The following GUCY2D variants were observed in gnomAD, a reference collection of about 807,000 sequenced individuals.
The protein encoded by GUCY2D is retinal guanylyl cyclase 1.
A neutral mutation model predicts 101.3 loss-of-function variants in GUCY2D; 70 were observed. The observed-to-expected ratio is 0.69, with a 90% confidence interval of 0.57 to 0.84. The LOEUF is 0.84. Ranked by LOEUF, GUCY2D falls within the 40% of genes least tolerant of loss-of-function variation. GUCY2D has a pLI of 0.00. For missense variants in GUCY2D, 1,460 were observed against 1,542.5 expected (o/e 0.95, Z 0.90); for synonymous variants, 688 against 670.7 (o/e 1.03, Z -0.40).
rs1235779490 is a variant in GUCY2D at position 8,014,028 on chromosome 17, G to T, written c.2412G>T (p.Leu804=). 2 of 1,612,350 alleles carry T rather than the reference G, an allele frequency of 1.2e-6. No homozygotes were observed. Among genetic ancestry groups the T allele is most frequent in the Non-Finnish European group, 1.7e-6 (2 of 1,179,738 alleles). The change falls in exon 12 of 20, where the codon CTG becomes CTT. Residue 804 remains leucine, a splice_region_variant and synonymous_variant. Coordinates refer to ENST00000254854, the MANE Select transcript of GUCY2D (RefSeq NM_000180.4). The surrounding 1 kb of genome is among the most constrained non-coding windows in gnomAD (Gnocchi z 4.0). ...CCTCCATGGACCACACCTTCGACCT[G>T]GTCAGGGGCTGGGAGTGGGCAAGGA... The part of the protein sequence containing the change: ...LRPSMDHTFD[L]FKNINKGRKT...
Position 8,008,018 on chromosome 17 carries a change from A to G in GUCY2D, c.1654A>G (p.Ile552Val), listed in dbSNP as rs1975779704. 1.2e-6 allele frequency: 2 copies of G among 1,607,414 alleles called. No homozygotes were observed. The highest frequency in any genetic ancestry group is 1.7e-5 in the Admixed American group (1 of 59,946). The stretch of plus-strand genomic sequence containing the variant: ...CAGCCAACACTTGGACAGCCCCAAC[A>G]TTGGTGTCTATGAGGTGAGCCTGAC... Reference protein sequence around the residue: ...GPSQHLDSPNIGVYEGDRVWL... With the variant: ...GPSQHLDSPNVGVYEGDRVWL... Residue 552 changes from isoleucine (I) to valine (V), a missense_variant, in exon 7 of 20, where the codon ATT becomes GTT. Physicochemically the swap from Ile to Val is conservative, Grantham distance 29. This residue lies in a region of GUCY2D where 1,196 missense variants were observed against 1,229.6 expected (regional missense o/e 0.97). Coordinates refer to ENST00000254854, the MANE Select transcript of GUCY2D (RefSeq NM_000180.4).
rs1598148657 is a variant in GUCY2D at position 8,011,472 on chromosome 17, G to A, written c.1750-672G>A. Among the ~76,000 whole-genome samples the A allele has an allele frequency of 6.6e-6, 1 of 152,306 alleles. No homozygotes were observed. The highest frequency in any genetic ancestry group is 6.5e-5 in the Admixed American group (1 of 15,292). Reference sequence around the variant, plus strand: ...GGCTGTTAAATCAGGAGAGGATGGTGGTTCCAGGAGCTTCTCCTTCATGAG... The same window carrying A: ...GGCTGTTAAATCAGGAGAGGATGGTAGTTCCAGGAGCTTCTCCTTCATGAG... On this transcript the variant is annotated intron_variant, in intron 8 of 19. Coordinates refer to ENST00000254854, the MANE Select transcript of GUCY2D (RefSeq NM_000180.4). This position sits in a 1 kb window ranked among gnomAD's most constrained non-coding sequence, Gnocchi z 4.3.
At chr17:8,006,301 A>G in intron 3 of GUCY2D, 62 bp from the exon 4 acceptor site, 14 of 1,307,284 alleles carry the variant, frequency 1.1e-5, no homozygotes, top group Non-Finnish European at 1.5e-5. Context: ...CAGGCAGTGA[A>G]AGAATCTGGT....
rs144291605 is a variant in GUCY2D, at chr17:8,012,555, G to A, written c.2062G>A (p.Gly688Arg). The change falls in exon 10 of 20, where the codon GGG becomes AGG. Residue 688 changes from glycine to arginine, a missense_variant. Physicochemically the swap from Gly to Arg is moderately radical, Grantham distance 125 (BLOSUM62 -2). This residue lies in a region of GUCY2D where 1,196 missense variants were observed against 1,229.6 expected (regional missense o/e 0.97). Transcript: ENST00000254854. ...ACTCAAGATCACTGACCACGGCCAC[G>A]GGAGACTGCTGGAAGCACAGAAGGT... is the stretch of plus-strand genomic sequence containing the variant. The part of the protein sequence containing the change: ...FVLKITDHGH[G>R]RLLEAQKVLP... 32 of 1,613,886 alleles carry A rather than the reference G, an allele frequency of 2.0e-5. No individual in the cohort carries two copies. The highest frequency in any genetic ancestry group is 2.7e-5 in the African/African-American group (2 of 74,924).
chr17:8,016,428 G>GC lies in GUCY2D; in HGVS notation c.3225-10dup. ...CCCATTCCCCTTCCCTGAGGCCACC[G>GC]CCCCCTCCTTGCAGGTCCAGCAACC... On this transcript the variant is annotated splice_polypyrimidine_tract_variant and intron_variant, in intron 18 of 19. Coordinates refer to ENST00000254854, the MANE Select transcript of GUCY2D (RefSeq NM_000180.4). 1 of 1,542,142 alleles carries GC rather than the reference G, an allele frequency of 6.5e-7. No homozygotes were observed. The highest frequency in any genetic ancestry group is 8.8e-7 in the Non-Finnish European group (1 of 1,139,580).
In GUCY2D at chr17:8,014,127, C is replaced by A; in HGVS notation, c.2412+99C>A. 8.8e-7 allele frequency: 1 copy of A among 1,130,468 alleles called. No individual in the cohort carries two copies. Among genetic ancestry groups the A allele is most frequent in the Non-Finnish European group, 1.3e-6 (1 of 753,024 alleles). 70.0% of individuals were successfully genotyped at this position (1,130,468 alleles called of 1,614,324 possible). A position where few individuals can be genotyped will look rare whatever the true frequency, so the allele number is the denominator to read the frequency against. ...CTGCAGACAGGCAGGCTGGCAGGAC[C>A]TCTGGCCTTCCAGGCTACCTCCTAA... On this transcript the variant is annotated intron_variant, in intron 12 of 19. Coordinates refer to ENST00000254854, the MANE Select transcript of GUCY2D (RefSeq NM_000180.4). This position sits in a 1 kb window ranked among gnomAD's most constrained non-coding sequence, Gnocchi z 4.0.
chr17:8,012,049 T>G (rs1975859823), intron 8 of GUCY2D, 95 bp from the exon 9 acceptor site: 9 of 863,250 alleles, frequency 1.0e-5, no homozygotes, highest in Non-Finnish European at 1.4e-5. Flanking sequence ...AAATCTCATC[T>G]TCTGGGTCTG....
rs762981013 is a variant in GUCY2D, at chr17:8,014,909, T to C, written c.2627T>C (p.Phe876Ser). Residue 876 changes from phenylalanine to serine, a missense_variant, in exon 14 of 20, where the codon TTT (phenylalanine) becomes TCT (serine). Around this residue, in one of 3 missense-constraint regions of GUCY2D, gnomAD observed 1,196 missense variants for 1,229.6 expected, o/e 0.97. Transcript: ENST00000254854. This position sits in a 1 kb window ranked among gnomAD's most constrained non-coding sequence, Gnocchi z 4.0. ...KTGTPVEPEY[F>S]EQVTLYFSDI... ...GGGACACCAGTGGAGCCCGAGTACT[T>C]TGAGCAAGTGACACTGTACTTTAGT... The C allele has an allele frequency of 6.2e-7, 1 of 1,614,064 alleles. No individual in the cohort carries two copies. The highest frequency in any genetic ancestry group is 8.5e-7 in the Non-Finnish European group (1 of 1,179,982).
Position 8,013,487 on chromosome 17 carries a change from C to A in GUCY2D, c.2263+235C>A. ...GCTTCCTCTTTCTTGATGCTGGAAC[C>A]AAACTGTTTCCACAACTGACAGAAC... is the stretch of plus-strand genomic sequence containing the variant. On this transcript the variant is annotated intron_variant, in intron 11 of 19. Coordinates refer to ENST00000254854, the MANE Select transcript of GUCY2D (RefSeq NM_000180.4). The surrounding 1 kb of genome is among the most constrained non-coding windows in gnomAD (Gnocchi z 5.0). 1.7e-6 allele frequency: 1 copy of A among 596,772 alleles called. No homozygotes were observed. The highest frequency in any genetic ancestry group is 1.9e-5 in the South Asian group (1 of 51,678). The allele number at this position is 596,772 out of a possible 1,614,324, so 37.0% of individuals were successfully genotyped here.
In GUCY2D at chr17:8,003,376, C is replaced by T. The variant is rs1290594016; in HGVS notation, c.329C>T (p.Ser110Leu). 6 of 1,466,490 alleles carry T rather than the reference C, an allele frequency of 4.1e-6. No homozygotes were observed. The highest frequency in any genetic ancestry group is 5.4e-6 in the Non-Finnish European group (6 of 1,115,980). The allele number at this position is 1,466,490 out of a possible 1,614,324, so 90.8% of individuals were successfully genotyped here. A position where few individuals can be genotyped will look rare whatever the true frequency, so the allele number is the denominator to read the frequency against. Reference sequence around the variant, plus strand: ...CCCGAGCCTTGCCGGACGCCGGGCTCGCTGGGGGCCGTGTCCTCCGCGCTG... The same window carrying T: ...CCCGAGCCTTGCCGGACGCCGGGCTTGCTGGGGGCCGTGTCCTCCGCGCTG... ...LLPEPCRTPGSLGAVSSALAR... is the reference protein window; with the variant it reads ...LLPEPCRTPGLLGAVSSALAR... The change falls in exon 2 of 20, where the codon TCG becomes TTG. Residue 110 changes from serine to leucine, a missense_variant. Physicochemically the swap from Ser to Leu is moderately radical, Grantham distance 145. This residue lies in a region of GUCY2D where 1,196 missense variants were observed against 1,229.6 expected (regional missense o/e 0.97). Coordinates refer to ENST00000254854, the MANE Select transcript of GUCY2D (RefSeq NM_000180.4).
At chr17:8,003,819 G>T in intron 2 of GUCY2D, 33 bp from the exon 3 acceptor site, 1 of 1,604,364 alleles carries the variant, frequency 6.2e-7, no homozygotes, top group Non-Finnish European at 8.5e-7. Context: ...GCCGGCAGCC[G>T]GACGGCGCCG....
In GUCY2D at chr17:8,006,482, C is replaced by G. The variant is rs776042543; in HGVS notation, c.1146C>G (p.Ile382Met). The stretch of plus-strand genomic sequence containing the variant: ...CCGGAGCAGCTGTGGCCCGCCACAT[C>G]CGGGATGCGCAGGTCCCTGGCTTCT... The part of the protein sequence containing the change: ...WVSGAAVARH[I>M]RDAQVPGFCG... The change falls in exon 4 of 20, where the codon ATC (isoleucine) becomes ATG (methionine). Residue 382 changes from isoleucine to methionine, a missense_variant. By Grantham distance (10) the Ile-to-Met change is conservative (BLOSUM62 1). Around this residue, in one of 3 missense-constraint regions of GUCY2D, gnomAD observed 1,196 missense variants for 1,229.6 expected, o/e 0.97. Transcript: ENST00000254854. 6.2e-7 allele frequency: 1 copy of G among 1,607,576 alleles called. No homozygotes were observed. The highest frequency in any genetic ancestry group is 1.1e-5 in the South Asian group (1 of 91,086).
rs1975923622 is a variant in GUCY2D at position 8,014,615 on chromosome 17, C to T, written c.2427C>T (p.Asn809=). Residue 809 remains asparagine, a synonymous_variant, in exon 13 of 20, where the codon AAC becomes AAT. Coordinates refer to ENST00000254854, the MANE Select transcript of GUCY2D (RefSeq NM_000180.4). The surrounding 1 kb of genome is among the most constrained non-coding windows in gnomAD (Gnocchi z 4.0). ...DHTFDLFKNI[N]KGRKTNIIDS... is the part of the protein sequence containing the mutation. ...TCTACTGCTAGTTCAAGAACATCAACAAGGGCCGGAAGACGAACATCATTG... is the reference window on the plus strand; with the variant it reads ...TCTACTGCTAGTTCAAGAACATCAATAAGGGCCGGAAGACGAACATCATTG... 2 of 1,614,026 alleles carry T rather than the reference C, an allele frequency of 1.2e-6. No homozygotes were observed. Among genetic ancestry groups the T allele is most frequent in the African/African-American group, 2.7e-5 (2 of 74,924 alleles).
rs777406730 is a variant in GUCY2D, at chr17:8,015,012, A to G, written c.2730A>G (p.Thr910=). The change falls in exon 14 of 20, where the codon ACA becomes ACG. Residue 910 remains threonine, a synonymous_variant. Transcript: ENST00000254854. ...TGGACCTGCTCAACGATCTCTACAC[A>G]CTCTTTGATGCCATCATTGGTTCCC... is the stretch of plus-strand genomic sequence containing the variant. ...EVVDLLNDLY[T]LFDAIIGSHD... is the part of the protein sequence containing the mutation. 6.2e-7 allele frequency: 1 copy of G among 1,613,792 alleles called. No individual in the cohort carries two copies. The highest frequency in any genetic ancestry group is 8.5e-7 in the Non-Finnish European group (1 of 1,179,956).
In GUCY2D at chr17:8,002,827, G is replaced by A. The variant is rs1412691026; in HGVS notation, c.-10+93G>A. Reference sequence around the variant, plus strand: ...CCTGACGCCTCCGACGGGGGGAGGGGCAGGCCGGGTGGGAGCGGGAAGCCG... The same window carrying A: ...CCTGACGCCTCCGACGGGGGGAGGGACAGGCCGGGTGGGAGCGGGAAGCCG... On this transcript the variant is annotated intron_variant, in intron 1 of 19. Coordinates refer to ENST00000254854, the MANE Select transcript of GUCY2D (RefSeq NM_000180.4). The surrounding 1 kb of genome is among the most constrained non-coding windows in gnomAD (Gnocchi z 4.9). The A allele has an allele frequency of 1.5e-5, 8 of 527,554 alleles. No homozygotes were observed. Among genetic ancestry groups the A allele is most frequent in the Non-Finnish European group, 2.7e-5 (8 of 301,110 alleles). 32.7% of individuals were successfully genotyped at this position (527,554 alleles called of 1,614,324 possible).
chr17:8,013,995 A>T lies in GUCY2D; in HGVS notation c.2379A>T (p.Glu793Asp), dbSNP rs763381837. Residue 793 changes from glutamate to aspartate, a missense_variant, in exon 12 of 20, where the codon GAA becomes GAT. Glu to Asp is a conservative substitution (Grantham distance 45). Around this residue, in one of 3 missense-constraint regions of GUCY2D, gnomAD observed 1,196 missense variants for 1,229.6 expected, o/e 0.97. Transcript: ENST00000254854. This position sits in a 1 kb window ranked among gnomAD's most constrained non-coding sequence, Gnocchi z 5.0. ...LMKQCWAEQP[E>D]LRPSMDHTFD... ...AGCAGTGCTGGGCAGAGCAGCCGGA[A>T]CTTCGGCCCTCCATGGACCACACCT... The T allele has an allele frequency of 2.5e-6, 4 of 1,613,660 alleles. No homozygotes were observed. Among genetic ancestry groups the T allele is most frequent in the Admixed American group, 1.7e-5 (1 of 60,008 alleles).
chr17:8,004,612 A>C (rs1975705181), intron 3 of GUCY2D, among the ~76,000 whole-genome samples: 1 of 152,130 alleles, frequency 6.6e-6, no homozygotes, highest in Admixed American at 6.6e-5. Flanking sequence ...AGAAGCAGAA[A>C]GTTCCCTGGG....
At position 8,013,965 on chromosome 17, in the gene GUCY2D, G is replaced by C. The variant is rs780323328; in HGVS notation, c.2349G>C (p.Leu783=). The C allele has an allele frequency of 6.2e-7, 1 of 1,613,810 alleles. No individual in the cohort carries two copies. Among genetic ancestry groups the C allele is most frequent in the East Asian group, 2.2e-5 (1 of 44,878 alleles). Residue 783 remains leucine (L), a synonymous_variant, in exon 12 of 20, where the codon CTG becomes CTC. Coordinates refer to ENST00000254854, the MANE Select transcript of GUCY2D (RefSeq NM_000180.4). This position sits in a 1 kb window ranked among gnomAD's most constrained non-coding sequence, Gnocchi z 5.0. ...MDQAPVECIL[L]MKQCWAEQPE... is the part of the protein sequence containing the mutation. ...AGGCACCTGTCGAGTGTATCCTCCT[G>C]ATGAAGCAGTGCTGGGCAGAGCAGC...
rs200651999 is a variant in GUCY2D at position 8,007,486 on chromosome 17, C to A, written c.1524C>A (p.Asp508Glu). ...SGPNKIILTV[D>E]DITFLHPHGG... ...CCAACAAGATCATCCTGACCGTGGA[C>A]GACATCACCTTTCTCCACCCACATG... The change falls in exon 6 of 20, where the codon GAC becomes GAA. Residue 508 changes from aspartate (D) to glutamate (E), a missense_variant. By Grantham distance (45) the Asp-to-Glu change is conservative (BLOSUM62 2). This residue lies in a region of GUCY2D where 1,196 missense variants were observed against 1,229.6 expected (regional missense o/e 0.97). Transcript: ENST00000254854. 6.2e-7 allele frequency: 1 copy of A among 1,612,980 alleles called. No homozygotes were observed. The highest frequency in any genetic ancestry group is 8.5e-7 in the Non-Finnish European group (1 of 1,178,982).
Sources: gnomAD v4.1 joint callset for allele counts (sites outside exome capture counted in the v4.1 genomes callset) on GRCh38, gnomAD v4.1.1 for gene constraint, gnomAD v4.1.1 regional missense constraint, Gnocchi (gnomAD v3.1) non-coding constraint, MANE v1.5 for transcripts, NCBI Gene and HGNC (gene_info 2026-07-23, HGNC 2026-07-21) for gene names.